NOL4L: variants seen among roughly 807,000 people sequenced by gnomAD.
The protein encoded by NOL4L is nucleolar protein 4 like, also known as nucleolar protein 4-like.
Under a neutral mutation model 64.5 loss-of-function variants are expected in NOL4L, and 7 were observed. The ratio of observed to expected loss-of-function variants is 0.11; its 90% CI spans 0.06 to 0.20. NOL4L has a LOEUF of 0.20. NOL4L is among the 10% of genes least tolerant of loss of function. The pLI is 1.00. For synonymous variants in NOL4L, 413 were observed against 401.0 expected (o/e 1.03, Z -0.36); for missense variants, 680 against 967.1 (o/e 0.70, Z 3.94).
intron 4 of NOL4L, among the ~76,000 whole-genome samples, chr20:32,488,845 TTCTTTCTTTC>T (rs1568649058): frequency 7.7e-5 from 7 of 90,580 alleles, no homozygotes; most frequent in African/African-American, 4.6e-4. Context: ...CTTTCTTTCT[TTCTTTCTTTC>T]TTTCTTTCTT....
intron 4 of NOL4L, chr20:32,509,870 T>A: frequency 7.7e-7 from 1 of 1,304,328 alleles, no homozygotes; most frequent in Non-Finnish European, 1.0e-6. Context: ...TGTGCTTCAT[T>A]CTTCATGGGC....
intron 4 of NOL4L, among the ~76,000 whole-genome samples, chr20:32,487,625 G>T (rs773836351): frequency 2.0e-5 from 3 of 152,190 alleles, no homozygotes; most frequent in African/African-American, 7.2e-5. Context: ...TGAGCATCGG[G>T]GGGGCAAACA....
At chr20:32,481,541 G>A (rs890804177) in intron 4 of NOL4L, among the ~76,000 whole-genome samples, 4 of 151,650 alleles carry the variant, frequency 2.6e-5, no homozygotes, top group Admixed American at 2.0e-4. Flanking sequence ...CTGGGAGGAA[G>A]GCCGTCTTCT....
At position 32,452,332 on chromosome 20, in the gene NOL4L, C is replaced by T. The variant is rs754915933; in HGVS notation, c.1726G>A (p.Ala576Thr). ...TAACTGTAGTTGAGGCCGCCGTTGGCGTACACAGGGTCCTGGGAGTAGGAG... is the reference window on the plus strand; with the variant it reads ...TAACTGTAGTTGAGGCCGCCGTTGGTGTACACAGGGTCCTGGGAGTAGGAG... ...ASSYSQDPVY[A>T]NGGLNYSYRG... The change falls in exon 10 of 11, where the codon GCC becomes ACC. Residue 576 changes from alanine to threonine, a missense_variant. Physicochemically the swap from Ala to Thr is moderately conservative, Grantham distance 58. Transcript: ENST00000621426. 63 of 1,609,510 alleles carry T rather than the reference C, an allele frequency of 3.9e-5. No homozygotes were observed. The highest frequency in any genetic ancestry group is 3.3e-4 in the Middle Eastern group (2 of 6,066).
chr20:32,470,751 C>T (rs935421493), intron 5 of NOL4L, among the ~76,000 whole-genome samples: 1 of 152,260 alleles, frequency 6.6e-6, no homozygotes, highest in African/African-American at 2.4e-5. Flanking sequence ...CCCGCATGGC[C>T]CTGGGCCCCA....
At chr20:32,459,992 G>A (rs1247019459) in intron 5 of NOL4L, among the ~76,000 whole-genome samples, 6 of 152,194 alleles carry the variant, frequency 3.9e-5, no homozygotes, top group South Asian at 2.1e-4. Context: ...CAGGCCAGAC[G>A]GACAAGGATA....
chr20:32,563,349 T>C (rs1203621591), intron 1 of NOL4L, among the ~76,000 whole-genome samples: 1 of 150,590 alleles, frequency 6.6e-6, no homozygotes, highest in Admixed American at 6.6e-5. Flanking sequence ...AGCCTCACCT[T>C]TACTGAATAC....
At chr20:32,573,919 A>T (rs1403630286) in intron 1 of NOL4L, 1 of 152,442 alleles carries the variant, frequency 6.6e-6, no homozygotes, top group African/African-American at 2.4e-5. Flanking sequence ...AGAGCCTCGG[A>T]GCCACCCTTG....
chr20:32,582,688 A>AGG (rs1980556191), intron 1 of NOL4L, among the ~76,000 whole-genome samples: 1 of 28,374 alleles, frequency 3.5e-5, no homozygotes, highest in Non-Finnish European at 6.7e-5. Context: ...TGTAACCAGG[A>AGG]TGGGGGGGTG....
chr20:32,572,231 G>A (rs1043450671), intron 1 of NOL4L, among the ~76,000 whole-genome samples: 19 of 152,286 alleles, frequency 1.2e-4, no homozygotes, highest in African/African-American at 4.1e-4. Flanking sequence ...CTGAGCCTCC[G>A]AATCTCCATT....
intron 1 of NOL4L, among the ~76,000 whole-genome samples, chr20:32,550,592 A>G (rs1472216299): frequency 6.6e-6 from 1 of 152,132 alleles, no homozygotes; most frequent in African/African-American, 2.4e-5. Context: ...CTAAAAATAC[A>G]AAAAAGTGGC....
intron 4 of NOL4L, chr20:32,486,800 C>G (rs1202006318): frequency 1.1e-5 from 5 of 470,762 alleles, no homozygotes; most frequent in African/African-American, 1.0e-4. Flanking sequence ...TGAAGGGAGG[C>G]ACTGGAAGAC....
In NOL4L at chr20:32,453,605, T is replaced by G. The variant is rs1473601969; in HGVS notation, c.1276A>C (p.Met426Leu). The part of the protein sequence containing the change: ...DNDKMNDSEG[M>L]DPERLKAFNM... ...AAGGCCTTAAGACGCTCAGGGTCCA[T>G]GCCTTCAGAGTCGTTCATCTTGTCA... is the stretch of plus-strand genomic sequence containing the variant. Residue 426 changes from methionine (M) to leucine (L), a missense_variant, in exon 7 of 11, where the codon ATG (methionine) becomes CTG (leucine). This residue lies in a region of NOL4L where 70 missense variants were observed against 166.1 expected (regional missense o/e 0.42). Coordinates refer to ENST00000621426, the MANE Select transcript of NOL4L (RefSeq NM_001256798.2). The surrounding 1 kb of genome is among the most constrained non-coding windows in gnomAD (Gnocchi z 5.6). 1.2e-6 allele frequency: 2 copies of G among 1,613,890 alleles called. No homozygotes were observed. The highest frequency in any genetic ancestry group is 2.2e-5 in the East Asian group (1 of 44,874).
In NOL4L at chr20:32,520,778, C is replaced by A. The variant is rs754649911; in HGVS notation, c.589+33G>T. ...GGACAGTCCACTCTTAGATGGCCCC[C>A]GCCCTAGCCCTCCAGCACGCCACCC... On this transcript the variant is annotated intron_variant, in intron 3 of 10. Transcript: ENST00000621426. The A allele has an allele frequency of 3.6e-6, 5 of 1,385,956 alleles. No individual in the cohort carries two copies. In the Admixed American group the frequency reaches 8.0e-5, roughly 22 times the overall value. The allele number at this position is 1,385,956 out of a possible 1,614,324, so 85.9% of individuals were successfully genotyped here.
At position 32,522,860 on chromosome 20, in the gene NOL4L, A is replaced by T. The variant is rs543880984; in HGVS notation, c.478-1938T>A. On this transcript the variant is annotated intron_variant, in intron 2 of 10. Coordinates refer to ENST00000621426, the MANE Select transcript of NOL4L (RefSeq NM_001256798.2). ...AGTGGAGGGCCCGGGGGAGGGTTGC[A>T]CAGTCAGCTGGGAGAAGAGGGCCAG... Among the ~76,000 whole-genome samples the T allele has an allele frequency of 1.1e-3, 173 of 152,306 alleles. 1 individual carries two copies. Among genetic ancestry groups the T allele is most frequent in the South Asian group, 5.2e-3 (25 of 4,824 alleles).
chr20:32,520,770 A>G (rs1600820513), intron 3 of NOL4L, 41 bp downstream of exon 3: 1 of 1,294,702 alleles, frequency 7.7e-7, no homozygotes, highest in Non-Finnish European at 1.1e-6. Flanking sequence ...CCACTCTTAG[A>G]TGGCCCCCGC....
chr20:32,520,779 G>A (rs926315734), intron 3 of NOL4L, 32 bp downstream of exon 3: 30 of 1,386,506 alleles, frequency 2.2e-5, no homozygotes, highest in African/African-American at 7.2e-5. Flanking sequence ...GATGGCCCCC[G>A]CCCTAGCCCT....
chr20:32,489,193 T>C (rs1053741644), intron 4 of NOL4L, among the ~76,000 whole-genome samples: 9 of 151,650 alleles, frequency 5.9e-5, no homozygotes, highest in African/African-American at 2.2e-4. Flanking sequence ...ACTCTAAGAT[T>C]ACAAAAGTAA....
At chr20:32,483,582 C>A (rs2015889955) in intron 4 of NOL4L, 3 of 918,784 alleles carry the variant, frequency 3.3e-6, no homozygotes, top group Non-Finnish European at 3.8e-6. Flanking sequence ...GCGGCGGCGC[C>A]GCGGCCCGGA....
Sources: gnomAD v4.1 joint callset for allele counts (sites outside exome capture counted in the v4.1 genomes callset) on GRCh38, gnomAD v4.1.1 for gene constraint, gnomAD v4.1.1 regional missense constraint, Gnocchi (gnomAD v3.1) non-coding constraint, MANE v1.5 for transcripts, NCBI Gene and HGNC (gene_info 2026-07-23, HGNC 2026-07-21) for gene names.